TPST1: variants seen among roughly 807,000 people sequenced by gnomAD.
TPST1 encodes the protein protein-tyrosine sulfotransferase 1.
A neutral mutation model predicts 34.8 loss-of-function variants in TPST1; 20 were observed. The ratio of observed to expected loss-of-function variants is 0.57; its 90% CI spans 0.40 to 0.84. TPST1 has a LOEUF of 0.84. TPST1 is among the 40% of genes least tolerant of loss of function. The pLI, the probability that TPST1 is intolerant of heterozygous loss-of-function variation, is 0.00. For missense variants in TPST1, 353 were observed against 455.5 expected (o/e 0.78, Z 2.05); for synonymous variants, 152 against 159.4 (o/e 0.95, Z 0.35).
At chr7:66,271,117 T>C (rs1002778698) in intron 2 of TPST1, among the ~76,000 whole-genome samples, 2 of 152,150 alleles carry the variant, frequency 1.3e-5, no homozygotes, top group African/African-American at 2.4e-5. Flanking sequence ...CAATTTTATA[T>C]GTTTCTATCT....
intron 2 of TPST1, among the ~76,000 whole-genome samples, chr7:66,278,992 G>A (rs1016659759): frequency 6.6e-6 from 1 of 152,102 alleles, no homozygotes; most frequent in Non-Finnish European, 1.5e-5. Context: ...CCGGTAAATT[G>A]TCTGTCACGG....
intron 2 of TPST1, among the ~76,000 whole-genome samples, chr7:66,245,177 A>G (rs1252258518): frequency 6.6e-6 from 1 of 152,228 alleles, no homozygotes; most frequent in African/African-American, 2.4e-5. Flanking sequence ...AGAAAAAATT[A>G]TTCAGTGATA....
intron 4 of TPST1, 75 bp from the exon 5 acceptor site, chr7:66,356,750 G>T: frequency 1.3e-6 from 2 of 1,572,538 alleles, no homozygotes; most frequent in Non-Finnish European, 1.7e-6. Flanking sequence ...CACCCCTCAT[G>T]TTTCAGTGGG....
intron 1 of TPST1, among the ~76,000 whole-genome samples, chr7:66,239,458 A>C (rs185099726): frequency 6.6e-6 from 1 of 152,330 alleles, no homozygotes; most frequent in African/African-American, 2.4e-5. Flanking sequence ...AGAAGTTACT[A>C]TACTGTTTTC....
intron 2 of TPST1, among the ~76,000 whole-genome samples, chr7:66,254,832 G>T (rs1790350117): frequency 6.6e-6 from 1 of 152,236 alleles, no homozygotes; most frequent in East Asian, 1.9e-4. Flanking sequence ...ACTTCTAATA[G>T]TAGTAAGCAA....
At chr7:66,342,596 A>T (rs1434375748) in intron 3 of TPST1, among the ~76,000 whole-genome samples, 1 of 152,198 alleles carries the variant, frequency 6.6e-6, no homozygotes, top group African/African-American at 2.4e-5. Flanking sequence ...TGCAGACTGT[A>T]CAAGAAGCAT....
chr7:66,232,689 A>G (rs1789823976), intron 1 of TPST1, among the ~76,000 whole-genome samples: 2 of 152,116 alleles, frequency 1.3e-5, no homozygotes, highest in Admixed American at 1.3e-4. Context: ...TATTTTTTGT[A>G]GAGATGAGGT....
chr7:66,284,189 A>C (rs1379443537), intron 2 of TPST1, among the ~76,000 whole-genome samples: 1 of 152,172 alleles, frequency 6.6e-6, no homozygotes, highest in Non-Finnish European at 1.5e-5. Flanking sequence ...TTTTTCTTCA[A>C]ATCATTTATT....
chr7:66,346,036 C>A (rs558548931), intron 3 of TPST1, among the ~76,000 whole-genome samples: 88 of 151,324 alleles, frequency 5.8e-4, no homozygotes, highest in African/African-American at 2.1e-3. Flanking sequence ...ATGAGTTCAA[C>A]TGTCTTAATT....
chr7:66,222,121 C>T lies in TPST1; in HGVS notation c.-102+16599C>T, dbSNP rs550717403. 7.9e-5 allele frequency among the ~76,000 whole-genome samples: 12 copies of T among 152,254 alleles called. No individual in the cohort carries two copies. The South Asian group carries it at 1.4e-3, about 18-fold the overall frequency. ...TGCTTAGGCCAAGTGTGGTGGCTCA[C>T]GCCTGTAATCCCAGCACTTTGGGAG... On this transcript the variant is annotated intron_variant, in intron 1 of 5. Coordinates refer to ENST00000304842, the MANE Select transcript of TPST1 (RefSeq NM_003596.4).
intron 3 of TPST1, among the ~76,000 whole-genome samples, chr7:66,313,240 C>A (rs1791567387): frequency 6.6e-6 from 1 of 151,904 alleles, no homozygotes; most frequent in South Asian, 2.1e-4. Context: ...ATGGTGAAAC[C>A]CTGAATCTAC....
At chr7:66,260,114 C>T (rs1790459319) in intron 2 of TPST1, among the ~76,000 whole-genome samples, 1 of 152,162 alleles carries the variant, frequency 6.6e-6, no homozygotes, top group Non-Finnish European at 1.5e-5. Flanking sequence ...GCTGTCAATA[C>T]AGCTTAAGTA....
At chr7:66,304,305 A>G (rs1392355030) in intron 3 of TPST1, among the ~76,000 whole-genome samples, 1 of 152,188 alleles carries the variant, frequency 6.6e-6, no homozygotes, top group Non-Finnish European at 1.5e-5. Flanking sequence ...AGTAGGACTC[A>G]GTGTGGGATC....
chr7:66,276,278 A>G (rs569543763), intron 2 of TPST1, among the ~76,000 whole-genome samples: 1 of 147,776 alleles, frequency 6.8e-6, no homozygotes, highest in South Asian at 2.1e-4. Flanking sequence ...AAAGACTCCT[A>G]TTTTTCATTA....
intron 3 of TPST1, among the ~76,000 whole-genome samples, chr7:66,337,551 C>T (rs890377696): frequency 1.1e-4 from 16 of 152,002 alleles, no homozygotes; most frequent in Middle Eastern, 3.4e-3. Flanking sequence ...TCAGGTGATC[C>T]GCCCATCTCG....
chr7:66,301,852 A>G (rs115309675), intron 3 of TPST1, among the ~76,000 whole-genome samples: 1,918 of 152,354 alleles, frequency 0.013, 39 homozygotes, highest in African/African-American at 0.043. Context: ...TATTGCAAGA[A>G]TTACCACAGT....
chr7:66,204,555 A>G (rs1190108531), upstream of TPST1, among the ~76,000 whole-genome samples: 1 of 152,200 alleles, frequency 6.6e-6, no homozygotes, highest in Non-Finnish European at 1.5e-5. Flanking sequence ...TAGATTCTGC[A>G]CTCATGCCTT....
At chr7:66,210,621 A>G (rs1040279057) in intron 1 of TPST1, among the ~76,000 whole-genome samples, 1 of 152,164 alleles carries the variant, frequency 6.6e-6, no homozygotes, top group South Asian at 2.1e-4. Context: ...TGAGAGCCCA[A>G]AGAGGGAGTG....
At chr7:66,352,611 TA>T in intron 4 of TPST1, 56 bp downstream of exon 4, 1 of 1,582,264 alleles carries the variant, frequency 6.3e-7, no homozygotes, top group Non-Finnish European at 8.5e-7. Context: ...TGCATTGAAG[TA>T]ATATTTTTAA....
Sources: gnomAD v4.1 joint callset for allele counts (sites outside exome capture counted in the v4.1 genomes callset) on GRCh38, gnomAD v4.1.1 for gene constraint, MANE v1.5 for transcripts, NCBI Gene and HGNC (gene_info 2026-07-23, HGNC 2026-07-21) for gene names.